ING5: variants seen among roughly 807,000 people sequenced by gnomAD.
ING5 encodes inhibitor of growth family member 5.
In ING5, 17 loss-of-function variants were observed where a neutral mutation model predicts 37.4. The observed-to-expected ratio is 0.45, with a 90% CI of 0.31 to 0.68. ING5 has a LOEUF of 0.68. Ranked by LOEUF, ING5 falls within the 30% of genes least tolerant of loss-of-function variation. ING5 has a pLI of 0.05. For synonymous variants in ING5, 123 were observed against 116.6 expected (o/e 1.06, Z -0.36); for missense variants, 233 against 311.9 (o/e 0.75, Z 1.91).
Position 241,711,432 on chromosome 2 carries a change from T to C in ING5, c.332T>C (p.Leu111Pro). Reference sequence around the variant, plus strand: ...GACCTGGCGCGCTTTGAAGCAGATCTGAAGGACAAGATGGAGGGCAGTGAT... The same window carrying C: ...GACCTGGCGCGCTTTGAAGCAGATCCGAAGGACAAGATGGAGGGCAGTGAT... Reference protein sequence around the residue: ...DADLARFEADLKDKMEGSDFE... With the variant: ...DADLARFEADPKDKMEGSDFE... Residue 111 changes from leucine to proline, a missense_variant, in exon 4 of 8, where the codon CTG becomes CCG. Leu to Pro is a moderately conservative substitution (Grantham distance 98). Transcript: ENST00000313552. 1 of 1,602,372 alleles carries C rather than the reference T, an allele frequency of 6.2e-7. No homozygotes were observed. The highest frequency in any genetic ancestry group is 8.5e-7 in the Non-Finnish European group (1 of 1,175,448).
rs2069753011 is a variant in ING5, at chr2:241,702,187, A to G, written c.37+85A>G. 1.2e-5 allele frequency: 9 copies of G among 761,406 alleles called. No homozygotes were observed. The South Asian group carries it at 4.7e-4, about 40-fold the overall frequency. The allele number at this position is 761,406 out of a possible 1,614,324, so 47.2% of individuals were successfully genotyped here. A position where few individuals can be genotyped will look rare whatever the true frequency, so the allele number is the denominator to read the frequency against. ...CCCCCGCGCGCCGGGCACCGCATGCAGACCCCGTGGGCTCGGGAGGGCGGC... is the reference window on the plus strand; with the variant it reads ...CCCCCGCGCGCCGGGCACCGCATGCGGACCCCGTGGGCTCGGGAGGGCGGC... On this transcript the variant is annotated intron_variant, in intron 1 of 7. Coordinates refer to ENST00000313552, the MANE Select transcript of ING5 (RefSeq NM_032329.6).
At position 241,728,826 on chromosome 2, in the gene ING5, T is replaced by A. The variant is rs549050579; in HGVS notation, c.*3795T>A. On this transcript the variant is annotated 3_prime_UTR_variant, in exon 8 of 8. Transcript: ENST00000313552. ...GCTTTGTGGCGTGGGTGTTTTCCAG[T>A]CTGCCTGGAGCAGCGAGAAGCAGCT... 1 of 152,434 alleles carries A rather than the reference T, an allele frequency of 6.6e-6. No homozygotes were observed. Among genetic ancestry groups the A allele is most frequent in the East Asian group, 1.9e-4 (1 of 5,184 alleles). 9.4% of individuals were successfully genotyped at this position (152,434 alleles called of 1,614,324 possible).
chr2:241,707,558 G>T (rs2069961048), intron 2 of ING5, among the ~76,000 whole-genome samples: 1 of 152,172 alleles, frequency 6.6e-6, no homozygotes, highest in Admixed American at 6.6e-5. Context: ...CTCCCAAAGT[G>T]CTGGGATTAC....
intron 5 of ING5, among the ~76,000 whole-genome samples, chr2:241,718,083 G>A (rs372327796): frequency 4.6e-5 from 7 of 152,224 alleles, no homozygotes; most frequent in South Asian, 2.1e-4. Flanking sequence ...CGCAATCTCC[G>A]CTCACCGCAG....
chr2:241,714,796 A>G (rs34317612), intron 5 of ING5, among the ~76,000 whole-genome samples: 1 of 151,836 alleles, frequency 6.6e-6, no homozygotes, highest in African/African-American at 2.4e-5. Context: ...GGGTTTCATC[A>G]TGTTGCCCAG....
intron 5 of ING5, among the ~76,000 whole-genome samples, chr2:241,717,148 C>T (rs1025356479): frequency 3.3e-5 from 5 of 151,190 alleles, no homozygotes; most frequent in African/African-American, 1.2e-4. Flanking sequence ...GATCTCAGCT[C>T]ACGGCAACCT....
At chr2:241,717,038 T>C (rs1345724343) in intron 5 of ING5, among the ~76,000 whole-genome samples, 1 of 152,144 alleles carries the variant, frequency 6.6e-6, no homozygotes, top group Non-Finnish European at 1.5e-5. Context: ...TCACCCCATA[T>C]ATAGTTACCT....
chr2:241,701,187 T>C (rs76846044), upstream of ING5, among the ~76,000 whole-genome samples: 19,194 of 149,856 alleles, frequency 0.13, 1,495 homozygotes, highest in East Asian at 0.4. Flanking sequence ...TGGTCTCAAA[T>C]TCCTGCCCTC....
chr2:241,698,260 C>A (rs1033054817), upstream of ING5, among the ~76,000 whole-genome samples: 1 of 151,906 alleles, frequency 6.6e-6, no homozygotes, highest in Non-Finnish European at 1.5e-5. Context: ...CTGGCTAACA[C>A]GGTGAAACCC....
chr2:241,720,992 T>G, intron 5 of ING5: 1 of 985,714 alleles, frequency 1.0e-6, no homozygotes, highest in Non-Finnish European at 1.2e-6. Context: ...CCATCAAATC[T>G]GGCCAGCGCC....
At chr2:241,702,032 C>A, upstream of ING5, 1 of 1,356,860 alleles carries the variant, frequency 7.4e-7, no homozygotes, top group Non-Finnish European at 9.5e-7. Flanking sequence ...GCACCGCCCG[C>A]CCGCGCAGAC....
At chr2:241,691,338 T>C (rs1243651375) in intron 2 of ING5, among the ~76,000 whole-genome samples, 1 of 149,738 alleles carries the variant, frequency 6.7e-6, no homozygotes, top group African/African-American at 2.5e-5. Context: ...ACTTGGGAGG[T>C]TGAGACAGGA....
upstream of ING5, among the ~76,000 whole-genome samples, chr2:241,698,547 A>G (rs2124861984): frequency 6.7e-6 from 1 of 148,316 alleles, no homozygotes; most frequent in South Asian, 2.2e-4. Context: ...GTGGAGGAGT[A>G]TATGAGAAGT....
At chr2:241,692,173 C>T (rs2069566412) in intron 2 of ING5, among the ~76,000 whole-genome samples, 1 of 152,164 alleles carries the variant, frequency 6.6e-6, no homozygotes. Flanking sequence ...GTGGTGAGCC[C>T]CTCTGAGCTG....
At chr2:241,709,038 C>A (rs2070016511) in intron 2 of ING5, 178 bp from the exon 3 acceptor site, 1 of 634,666 alleles carries the variant, frequency 1.6e-6, no homozygotes, top group South Asian at 2.0e-5. Context: ...TTCACACGAT[C>A]CCAGACTGTT....
intron 5 of ING5, chr2:241,722,519 G>C: frequency 1.0e-6 from 1 of 985,476 alleles, no homozygotes; most frequent in Non-Finnish European, 1.2e-6. Flanking sequence ...GCCAGCTGCT[G>C]CTGTTCCTGG....
exon 2 of ING5, chr2:241,690,631 A>G (rs1412114266): frequency 2.5e-6 from 1 of 398,510 alleles, no homozygotes; most frequent in Non-Finnish European, 4.4e-6. Context: ...GAGTCACTCC[A>G]CGAGACTCTG....
At chr2:241,721,245 C>T (rs2070427504) in intron 5 of ING5, 2 of 985,376 alleles carry the variant, frequency 2.0e-6, no homozygotes, top group South Asian at 4.7e-5. Context: ...GACGTAGACC[C>T]TTGCGTGCTG....
At chr2:241,704,595 A>T in intron 1 of ING5, 58 bp from the exon 2 acceptor site, 37 of 1,312,832 alleles carry the variant, frequency 2.8e-5, no homozygotes, top group South Asian at 2.4e-4. Context: ...AAACCTTTGG[A>T]GGTGAATTTT....
Sources: gnomAD v4.1 joint callset for allele counts (sites outside exome capture counted in the v4.1 genomes callset) on GRCh38, gnomAD v4.1.1 for gene constraint, MANE v1.5 for transcripts, NCBI Gene and HGNC (gene_info 2026-07-23, HGNC 2026-07-21) for gene names.